The following TRIM33 variants were observed in gnomAD, a reference collection of about 807,000 sequenced individuals.
TRIM33 encodes E3 ubiquitin-protein ligase TRIM33.
Under a neutral mutation model 125.4 loss-of-function variants are expected in TRIM33, and 20 were observed. The observed-to-expected ratio is 0.16, with a 90% CI of 0.11 to 0.23. TRIM33 has a LOEUF of 0.23. Ranked by LOEUF, TRIM33 falls within the 10% of genes least tolerant of loss-of-function variation. The pLI, the probability that TRIM33 is intolerant of heterozygous loss-of-function variation, is 1.00. For missense variants in TRIM33, 920 were observed against 1,411.4 expected (o/e 0.65, Z 5.58); for synonymous variants, 564 against 513.9 (o/e 1.10, Z -1.32).
intron 1 of TRIM33, among the ~76,000 whole-genome samples, chr1:114,482,202 T>C (rs1259467326): frequency 6.6e-6 from 1 of 152,190 alleles, no homozygotes; most frequent in Non-Finnish European, 1.5e-5. Flanking sequence ...TTGTCACATA[T>C]GGCCATTAGG....
At chr1:114,407,275 A>G (rs1213210792) in intron 13 of TRIM33, among the ~76,000 whole-genome samples, 175 bp from the exon 14 acceptor site, 1 of 151,928 alleles carries the variant, frequency 6.6e-6, no homozygotes, top group Non-Finnish European at 1.5e-5. Flanking sequence ...CTAGCTTAAA[A>G]CTCTTTAAAA....
intron 1 of TRIM33, among the ~76,000 whole-genome samples, chr1:114,474,963 CATT>C (rs1415002902): frequency 6.7e-6 from 1 of 149,586 alleles, no homozygotes; most frequent in East Asian, 2.0e-4. Flanking sequence ...CAAAAATAAT[CATT>C]AGAGACAAGA....
intron 1 of TRIM33, among the ~76,000 whole-genome samples, chr1:114,485,248 T>C (rs1173085253): frequency 1.3e-5 from 2 of 151,574 alleles, no homozygotes; most frequent in Non-Finnish European, 2.9e-5. Flanking sequence ...GCTGGGATCT[T>C]AAATAAAGGC....
At chr1:114,480,367 G>T (rs1188444698) in intron 1 of TRIM33, among the ~76,000 whole-genome samples, 1 of 151,632 alleles carries the variant, frequency 6.6e-6, no homozygotes, top group Non-Finnish European at 1.5e-5. Flanking sequence ...CCTCTGCCTA[G>T]GAAAACCAGA....
At chr1:114,467,265 G>A (rs1557882748) in intron 1 of TRIM33, among the ~76,000 whole-genome samples, 1 of 152,192 alleles carries the variant, frequency 6.6e-6, no homozygotes, top group East Asian at 1.9e-4. Context: ...GAGTTACAAT[G>A]AGGAAACAAA....
chr1:114,456,428 A>ATGGC (rs1261624558), intron 4 of TRIM33, among the ~76,000 whole-genome samples: 1 of 152,220 alleles, frequency 6.6e-6, no homozygotes, highest in African/African-American at 2.4e-5. Flanking sequence ...AAAAAAGCAG[A>ATGGC]TGGCTCATGG....
At chr1:114,490,070 G>C in intron 1 of TRIM33, among the ~76,000 whole-genome samples, 1 of 113,726 alleles carries the variant, frequency 8.8e-6, no homozygotes. Context: ...GGGCAACAGA[G>C]CGAGACTCCG....
chr1:114,470,323 T>G (rs1246142716), intron 1 of TRIM33, among the ~76,000 whole-genome samples: 1 of 152,056 alleles, frequency 6.6e-6, no homozygotes, highest in Non-Finnish European at 1.5e-5. Flanking sequence ...TCTGTTACAT[T>G]TTGTTAATTT....
chr1:114,481,526 G>A (rs1187689177), intron 1 of TRIM33, among the ~76,000 whole-genome samples: 1 of 151,454 alleles, frequency 6.6e-6, no homozygotes, highest in Admixed American at 6.6e-5. Flanking sequence ...GGGTGGCAGA[G>A]GTTGCAGTGA....
At chr1:114,420,447 T>A (rs1477825914) in intron 11 of TRIM33, 1 of 1,333,574 alleles carries the variant, frequency 7.5e-7, no homozygotes, top group Non-Finnish European at 9.9e-7. Context: ...CGGAACAACG[T>A]TTGCCTGTGG....
intron 1 of TRIM33, among the ~76,000 whole-genome samples, chr1:114,477,674 T>C (rs1164935486): frequency 6.6e-6 from 1 of 152,248 alleles, no homozygotes; most frequent in East Asian, 1.9e-4. Context: ...AGCATCACTG[T>C]GTAACAGAAT....
chr1:114,428,882 T>G (rs1340608893), intron 6 of TRIM33, among the ~76,000 whole-genome samples: 1 of 151,594 alleles, frequency 6.6e-6, no homozygotes, highest in African/African-American at 2.4e-5. Flanking sequence ...TTTAACAGAG[T>G]CTCACTCTGT....
At chr1:114,402,226 G>A (rs1182012206) in intron 16 of TRIM33, among the ~76,000 whole-genome samples, 1 of 152,154 alleles carries the variant, frequency 6.6e-6, no homozygotes, top group Non-Finnish European at 1.5e-5. Flanking sequence ...TTTAAGCAAG[G>A]AAATGATAGA....
At chr1:114,421,267 G>GA (rs1393699683) in intron 11 of TRIM33, among the ~76,000 whole-genome samples, 169 bp downstream of exon 11, 7 of 151,812 alleles carry the variant, frequency 4.6e-5, no homozygotes, top group Non-Finnish European at 8.8e-5. Flanking sequence ...GGATGTTGAT[G>GA]AAAGTTTCAC....
rs925980112 is a variant in TRIM33 at position 114,425,731 on chromosome 1, A to T, written c.1421-8T>A. On this transcript the variant is annotated splice_region_variant and splice_polypyrimidine_tract_variant and intron_variant, in intron 8 of 19. Transcript: ENST00000358465. ...TCTCTATTACTAGATTACCTGAAAAATTTAAAAAATGAGAATTTGCATATA... is the reference window on the plus strand; with the variant it reads ...TCTCTATTACTAGATTACCTGAAAATTTTAAAAAATGAGAATTTGCATATA... 1.1e-5 allele frequency: 17 copies of T among 1,574,082 alleles called. No individual in the cohort carries two copies. The highest frequency in any genetic ancestry group is 1.4e-5 in the Non-Finnish European group (16 of 1,158,342).
At chr1:114,502,710 T>C (rs1652785814) in intron 1 of TRIM33, among the ~76,000 whole-genome samples, 1 of 152,004 alleles carries the variant, frequency 6.6e-6, no homozygotes, top group African/African-American at 2.4e-5. Flanking sequence ...TCTCACTATA[T>C]TCCCCAGGCT....
At chr1:114,429,580 T>C (rs1319915068) in intron 6 of TRIM33, among the ~76,000 whole-genome samples, 2 of 151,910 alleles carry the variant, frequency 1.3e-5, no homozygotes, top group African/African-American at 4.8e-5. Flanking sequence ...TTCATTTTTA[T>C]GTAATTATTC....
At chr1:114,452,727 T>TAA (rs34364866) in intron 4 of TRIM33, among the ~76,000 whole-genome samples, 46 of 107,686 alleles carry the variant, frequency 4.3e-4, no homozygotes, top group African/African-American at 1.5e-3. Context: ...CCCCATCTCT[T>TAA]AAAAAAAAAA....
chr1:114,508,658 T>C (rs1482165022), intron 1 of TRIM33, among the ~76,000 whole-genome samples: 2 of 152,162 alleles, frequency 1.3e-5, no homozygotes, highest in Admixed American at 6.6e-5. Flanking sequence ...TATGTATTAA[T>C]AGCATTGCCA....
Sources: allele counts gnomAD v4.1 joint callset (sites outside exome capture counted in the v4.1 genomes callset), GRCh38; gene constraint gnomAD v4.1.1; transcripts MANE v1.5; gene names NCBI Gene and HGNC (gene_info 2026-07-23, HGNC 2026-07-21).